EFCAB5: variants seen among roughly 807,000 people sequenced by gnomAD.
EFCAB5 encodes the protein EF-hand calcium-binding domain-containing protein 5.
In EFCAB5, 131 loss-of-function variants were observed where a neutral mutation model predicts 167.9. The ratio of observed to expected loss-of-function variants is 0.78; its 90% CI spans 0.68 to 0.90. EFCAB5 has a LOEUF of 0.90. Among genes scored for constraint, EFCAB5 ranks in the 40% least tolerant of loss-of-function variants. The pLI is 0.00. For synonymous variants in EFCAB5, 574 were observed against 602.8 expected (o/e 0.95, Z 0.70); for missense variants, 1,663 against 1,745.2 (o/e 0.95, Z 0.84).
intron 4 of EFCAB5, among the ~76,000 whole-genome samples, chr17:29,990,471 T>C (rs142810727): frequency 1.1e-4 from 16 of 152,308 alleles, no homozygotes; most frequent in Admixed American, 7.8e-4. Flanking sequence ...CAAAAGTAGA[T>C]ATAACAATTT....
chr17:30,056,122 G>A lies in EFCAB5; in HGVS notation c.2331G>A (p.Gln777=), dbSNP rs368380153. ...MKYVTFEDEE[Q]ANLIYGNSRF... is the part of the protein sequence containing the mutation. ...ATGTCACATTTGAAGATGAGGAACAGGCAAACTTAATCTATGGTAACTCCA... is the reference window on the plus strand; with the variant it reads ...ATGTCACATTTGAAGATGAGGAACAAGCAAACTTAATCTATGGTAACTCCA... The change falls in exon 12 of 23, where the codon CAG becomes CAA. Residue 777 remains glutamine (Q), a synonymous_variant. Coordinates refer to ENST00000394835, the MANE Select transcript of EFCAB5 (RefSeq NM_198529.4). The A allele has an allele frequency of 3.2e-5, 51 of 1,611,902 alleles. No homozygotes were observed. The African/African-American group carries it at 6.4e-4, about 20-fold the overall frequency.
Position 30,080,996 on chromosome 17 carries a change from T to A in EFCAB5, c.3426+15T>A, listed in dbSNP as rs1188862868. ...GATTCTATCAGGTAAGTCATAGAAG[T>A]CTTCAAGAGCGATGGTAGGATGGCC... On this transcript the variant is annotated intron_variant, in intron 17 of 22. Transcript: ENST00000394835. The A allele has an allele frequency of 5.0e-6, 8 of 1,593,152 alleles. No homozygotes were observed. The highest frequency in any genetic ancestry group is 6.9e-6 in the Non-Finnish European group (8 of 1,165,696).
At chr17:30,103,167 T>C (rs1221398269) in intron 22 of EFCAB5, among the ~76,000 whole-genome samples, 6 of 150,924 alleles carry the variant, frequency 4.0e-5, no homozygotes, top group Admixed American at 2.0e-4. Context: ...TAACTCATTG[T>C]TAATTTCTAT....
At chr17:29,994,425 G>T (rs571902864) in intron 5 of EFCAB5, among the ~76,000 whole-genome samples, 1 of 151,838 alleles carries the variant, frequency 6.6e-6, no homozygotes, top group African/African-American at 2.4e-5. Flanking sequence ...TGCTAGAAGT[G>T]TCCCCTGGAG....
rs1458626765 is a variant in EFCAB5, at chr17:30,072,875, T to C, written c.2738-5340T>C. Among the ~76,000 whole-genome samples, 4 of 152,194 alleles carry C rather than the reference T, an allele frequency of 2.6e-5. No homozygotes were observed. The East Asian group carries it at 7.7e-4, about 29-fold the overall frequency. On this transcript the variant is annotated intron_variant, in intron 14 of 22. Transcript: ENST00000394835. ...AAACCATATAAACCATTCTTCCTTT[T>C]TGTCAACTTTTCATTTATTCATTTA...
At chr17:30,081,060 C>A in intron 17 of EFCAB5, 79 bp downstream of exon 17, 2 of 1,099,064 alleles carry the variant, frequency 1.8e-6, no homozygotes, top group Admixed American at 2.0e-5. Flanking sequence ...AACCTGAAAT[C>A]CGATGAGAGT....
Position 30,097,365 on chromosome 17 carries a change from A to G in EFCAB5, c.4321+4429A>G, listed in dbSNP as rs185964847. Reference sequence around the variant, plus strand: ...CCACTGAGCTGGCTTTAAATTTTTTATTAAAGTAATTGAAAAGGTCACATA... The same window carrying G: ...CCACTGAGCTGGCTTTAAATTTTTTGTTAAAGTAATTGAAAAGGTCACATA... On this transcript the variant is annotated intron_variant, in intron 22 of 22. Transcript: ENST00000394835. 1.4e-4 allele frequency among the ~76,000 whole-genome samples: 22 copies of G among 152,244 alleles called. 1 individual carries two copies. In the South Asian group the frequency reaches 3.5e-3, roughly 24 times the overall value.
At chr17:29,985,377 G>A (rs1207897083) in intron 4 of EFCAB5, among the ~76,000 whole-genome samples, 1 of 152,122 alleles carries the variant, frequency 6.6e-6, no homozygotes, top group Non-Finnish European at 1.5e-5. Context: ...CATCTTCTAG[G>A]CTTCCACCCT....
chr17:30,098,150 G>C (rs2071330156), intron 22 of EFCAB5, among the ~76,000 whole-genome samples: 1 of 151,936 alleles, frequency 6.6e-6, no homozygotes, highest in Non-Finnish European at 1.5e-5. Context: ...TACCAGGCTA[G>C]TCTTGAACTC....
At chr17:30,008,977 C>A (rs2068833950) in intron 7 of EFCAB5, among the ~76,000 whole-genome samples, 2 of 152,168 alleles carry the variant, frequency 1.3e-5, no homozygotes, top group South Asian at 2.1e-4. Context: ...GCTCTTCCAA[C>A]TTCTGGTGGC....
At chr17:30,106,212 G>T (rs1038518278) in intron 22 of EFCAB5, among the ~76,000 whole-genome samples, 1 of 151,592 alleles carries the variant, frequency 6.6e-6, no homozygotes, top group Non-Finnish European at 1.5e-5. Context: ...ATTGCTTGAG[G>T]CCAGAAGTTC....
At chr17:30,024,509 A>T (rs557892802) in intron 7 of EFCAB5, among the ~76,000 whole-genome samples, 2 of 152,256 alleles carry the variant, frequency 1.3e-5, no homozygotes, top group African/African-American at 4.8e-5. Flanking sequence ...GAGAACTACA[A>T]ACCACTGCTC....
At chr17:29,969,695 T>C (rs2067909966) in intron 4 of EFCAB5, among the ~76,000 whole-genome samples, 1 of 152,198 alleles carries the variant, frequency 6.6e-6, no homozygotes, top group African/African-American at 2.4e-5. Flanking sequence ...ATATAGGCAA[T>C]CTGGTTTAAA....
intron 1 of EFCAB5, among the ~76,000 whole-genome samples, chr17:29,932,460 T>C (rs1158333731): frequency 7.0e-6 from 1 of 142,642 alleles, no homozygotes; most frequent in African/African-American, 2.6e-5. Flanking sequence ...TTTTTTTTTT[T>C]TTTTTTTTTT....
At chr17:29,935,850 T>A (rs1046472004) in intron 1 of EFCAB5, among the ~76,000 whole-genome samples, 1 of 152,156 alleles carries the variant, frequency 6.6e-6, no homozygotes, top group Non-Finnish European at 1.5e-5. Flanking sequence ...TGTTAGTGCC[T>A]CTGAGATTAG....
At chr17:30,053,192 A>G in intron 9 of EFCAB5, 63 bp from the exon 10 acceptor site, 2 of 1,503,822 alleles carry the variant, frequency 1.3e-6, no homozygotes, top group Non-Finnish European at 1.8e-6. Context: ...GCATTAATTT[A>G]ATAGCTCTAA....
intron 4 of EFCAB5, among the ~76,000 whole-genome samples, chr17:29,970,300 A>G (rs2067920944): frequency 6.6e-6 from 1 of 152,092 alleles, no homozygotes; most frequent in Non-Finnish European, 1.5e-5. Context: ...TCTCCCTTTC[A>G]TGCATTCGTA....
intron 4 of EFCAB5, among the ~76,000 whole-genome samples, chr17:29,987,855 C>G (rs1432605251): frequency 6.6e-6 from 1 of 152,196 alleles, no homozygotes; most frequent in East Asian, 1.9e-4. Flanking sequence ...GGGCAGAAGA[C>G]TCTCCTGTTG....
chr17:30,046,355 C>G (rs1323125370), intron 8 of EFCAB5, among the ~76,000 whole-genome samples: 1 of 151,986 alleles, frequency 6.6e-6, no homozygotes, highest in Non-Finnish European at 1.5e-5. Flanking sequence ...AGTGATGACC[C>G]CTGGGGTTAT....
Sources: allele counts gnomAD v4.1 joint callset (sites outside exome capture counted in the v4.1 genomes callset), GRCh38; gene constraint gnomAD v4.1.1; transcripts MANE v1.5; gene names NCBI Gene and HGNC (gene_info 2026-07-23, HGNC 2026-07-21).